The following GRIN2A variants were observed in gnomAD, a reference collection of about 807,000 sequenced individuals.
GRIN2A encodes the protein glutamate receptor ionotropic, NMDA 2A.
In GRIN2A, 22 loss-of-function variants were observed where a neutral mutation model predicts 113.4. The ratio of observed to expected loss-of-function variants is 0.19; its 90% CI spans 0.14 to 0.28. The LOEUF (loss-of-function observed/expected upper bound fraction) is 0.28. Ranked by LOEUF, GRIN2A falls within the 10% of genes least tolerant of loss-of-function variation. The pLI is 1.00. For missense variants in GRIN2A, 1,502 were observed against 1,887.0 expected, an observed-to-expected ratio of 0.80 and a Z score of 3.78; for synonymous variants, 827 against 738.4, an observed-to-expected ratio of 1.12 and a Z score of -1.94.
At chr16:10,086,172 AG>A (rs1802617885) in intron 2 of GRIN2A, among the ~76,000 whole-genome samples, 1 of 152,164 alleles carries the variant, frequency 6.6e-6, no homozygotes, top group African/African-American at 2.4e-5. Context: ...GCAAATCTCC[AG>A]CTTTCCTTCC....
At chr16:10,131,516 G>A (rs1001862303) in intron 2 of GRIN2A, among the ~76,000 whole-genome samples, 5 of 151,712 alleles carry the variant, frequency 3.3e-5, no homozygotes, top group African/African-American at 1.2e-4. Flanking sequence ...AAATAAGAGA[G>A]GGACAGAGAG....
intron 2 of GRIN2A, among the ~76,000 whole-genome samples, chr16:10,165,539 T>TAC (rs929609569): frequency 2.0e-5 from 3 of 146,508 alleles, no homozygotes; most frequent in African/African-American, 7.5e-5. Flanking sequence ...TATATATATA[T>TAC]ACTGACATAT....
intron 2 of GRIN2A, among the ~76,000 whole-genome samples, chr16:10,117,816 T>A (rs2048757438): frequency 6.6e-6 from 1 of 152,244 alleles, no homozygotes; most frequent in African/African-American, 2.4e-5. Flanking sequence ...CATTCCATAA[T>A]GACAATAGAA....
intron 2 of GRIN2A, among the ~76,000 whole-genome samples, chr16:9,989,009 C>G (rs2650434): frequency 0.15 from 23,195 of 152,194 alleles, 2,080 homozygotes; most frequent in East Asian, 0.36. Flanking sequence ...GATACGTGAC[C>G]TGATAAGACT....
intron 2 of GRIN2A, among the ~76,000 whole-genome samples, chr16:10,031,832 C>A (rs1159793372): frequency 1.3e-5 from 2 of 152,252 alleles, no homozygotes; most frequent in Non-Finnish European, 2.9e-5. Flanking sequence ...CACTCTTACC[C>A]TCCAAGCACC....
chr16:9,990,546 C>T (rs891001023), intron 2 of GRIN2A, among the ~76,000 whole-genome samples: 10 of 113,508 alleles, frequency 8.8e-5, no homozygotes, highest in African/African-American at 2.2e-4. Context: ...TCTCTCTACA[C>T]GCGCGCGCGC....
intron 2 of GRIN2A, among the ~76,000 whole-genome samples, chr16:9,994,899 A>G (rs1209911863): frequency 6.6e-6 from 1 of 152,136 alleles, no homozygotes; most frequent in African/African-American, 2.4e-5. Context: ...ATACAACCTC[A>G]TTTCATCTGG....
intron 2 of GRIN2A, among the ~76,000 whole-genome samples, chr16:9,964,031 A>T (rs1234017691): frequency 6.6e-6 from 1 of 152,206 alleles, no homozygotes; most frequent in Non-Finnish European, 1.5e-5. Context: ...CTTGATGCAC[A>T]GCAGGAAGGG....
At chr16:9,989,461 T>C (rs1567220035) in intron 2 of GRIN2A, among the ~76,000 whole-genome samples, 1 of 152,100 alleles carries the variant, frequency 6.6e-6, no homozygotes, top group Non-Finnish European at 1.5e-5. Context: ...TAGGAAATAC[T>C]GTTCTGGACA....
At chr16:9,875,368 TGTTCCAAACCAG>T (rs2043344285) in intron 4 of GRIN2A, among the ~76,000 whole-genome samples, 1 of 152,174 alleles carries the variant, frequency 6.6e-6, no homozygotes, top group African/African-American at 2.4e-5. Context: ...TTTCTCCCCC[TGTTCCAAACCAG>T]GTTCCAATGC....
chr16:9,864,365 T>C (rs966955636), intron 4 of GRIN2A, among the ~76,000 whole-genome samples: 6 of 152,196 alleles, frequency 3.9e-5, no homozygotes, highest in African/African-American at 1.4e-4. Flanking sequence ...AATCAATTCA[T>C]TCTTACCAGC....
chr16:9,990,482 A>G (rs1042850689), intron 2 of GRIN2A, among the ~76,000 whole-genome samples: 7 of 152,086 alleles, frequency 4.6e-5, no homozygotes, highest in Middle Eastern at 3.4e-3. Context: ...CTCAAACTTC[A>G]GCATTACATA....
chr16:9,993,948 T>C (rs2046174907), intron 2 of GRIN2A, among the ~76,000 whole-genome samples: 1 of 152,210 alleles, frequency 6.6e-6, no homozygotes, highest in African/African-American at 2.4e-5. Context: ...TGTTGCACCA[T>C]CATGTCTTCT....
intron 2 of GRIN2A, among the ~76,000 whole-genome samples, chr16:10,026,189 G>T (rs1215748130): frequency 6.6e-6 from 1 of 152,198 alleles, no homozygotes; most frequent in East Asian, 1.9e-4. Context: ...CTTGGAGATT[G>T]AGAGCCAAAT....
chr16:10,087,103 A>T (rs551077308), intron 2 of GRIN2A, among the ~76,000 whole-genome samples: 1 of 152,346 alleles, frequency 6.6e-6, no homozygotes, highest in Non-Finnish European at 1.5e-5. Context: ...CGAGAGTCTG[A>T]CCAAGTCCAT....
At chr16:9,986,022 T>A (rs1238377831) in intron 2 of GRIN2A, among the ~76,000 whole-genome samples, 1 of 152,220 alleles carries the variant, frequency 6.6e-6, no homozygotes, top group African/African-American at 2.4e-5. Context: ...TGATATTTTA[T>A]AATTATATAA....
At position 10,180,930 on chromosome 16, in the gene GRIN2A, A is replaced by C. The variant is rs1596588220; in HGVS notation, c.-18-501T>G. ...CAGGGCGTGCGGAGGCGGCACCCAG[A>C]CCCCGCGTCCCAGCTTGAGAGCTCA... On this transcript the variant is annotated intron_variant, in intron 1 of 12. Coordinates refer to ENST00000330684, the MANE Select transcript of GRIN2A (RefSeq NM_001134407.3). This position sits in a 1 kb window ranked among gnomAD's most constrained non-coding sequence, Gnocchi z 7.0. 4.9e-5 allele frequency: 9 copies of C among 182,036 alleles called. No homozygotes were observed. Among genetic ancestry groups the C allele is most frequent in the Non-Finnish European group, 8.2e-5 (7 of 85,730 alleles). The allele number at this position is 182,036 out of a possible 1,614,324, so 11.3% of individuals were successfully genotyped here.
At chr16:9,799,376 G>A (rs1445619970) in intron 10 of GRIN2A, among the ~76,000 whole-genome samples, 1 of 152,228 alleles carries the variant, frequency 6.6e-6, no homozygotes, top group Non-Finnish European at 1.5e-5. Context: ...GAAGTCAGGA[G>A]AGAGGCCTGG....
At chr16:10,082,004 A>T (rs2047994697) in intron 2 of GRIN2A, among the ~76,000 whole-genome samples, 1 of 152,158 alleles carries the variant, frequency 6.6e-6, no homozygotes, top group African/African-American at 2.4e-5. Flanking sequence ...ATTTTTTCAT[A>T]GGGTTATGAA....
Sources: gnomAD v4.1 joint callset for allele counts (sites outside exome capture counted in the v4.1 genomes callset) on GRCh38, gnomAD v4.1.1 for gene constraint, Gnocchi (gnomAD v3.1) non-coding constraint, MANE v1.5 for transcripts, NCBI Gene and HGNC (gene_info 2026-07-23, HGNC 2026-07-21) for gene names.